The following DNAJC13 variants were observed in gnomAD, a reference collection of about 807,000 sequenced individuals.
DNAJC13 encodes the protein dnaJ homolog subfamily C member 13.
A neutral mutation model predicts 290.5 loss-of-function variants in DNAJC13; 75 were observed. The observed-to-expected ratio is 0.26, with a 90% CI of 0.21 to 0.31. The LOEUF (loss-of-function observed/expected upper bound fraction) is 0.31, where lower values mean the gene tolerates loss of function less well. DNAJC13 is among the 10% of genes least tolerant of loss of function. The pLI is 1.00. For synonymous variants in DNAJC13, 862 were observed against 892.0 expected (o/e 0.97, Z 0.60); for missense variants, 2,260 against 2,674.5 (o/e 0.85, Z 3.42).
At chr3:132,440,944 C>T (rs1933044248) in intron 2 of DNAJC13, among the ~76,000 whole-genome samples, 1 of 152,154 alleles carries the variant, frequency 6.6e-6, no homozygotes, top group Non-Finnish European at 1.5e-5. Context: ...CCTCCTTTAC[C>T]AATGCTGACC....
chr3:132,469,590 G>A (rs555762984), intron 20 of DNAJC13, among the ~76,000 whole-genome samples: 2 of 152,146 alleles, frequency 1.3e-5, no homozygotes, highest in Non-Finnish European at 2.9e-5. Context: ...TGGCGGGGAG[G>A]AGGGATTGAA....
intron 2 of DNAJC13, among the ~76,000 whole-genome samples, chr3:132,443,295 G>A (rs1933131459): frequency 6.6e-6 from 1 of 152,100 alleles, no homozygotes; most frequent in African/African-American, 2.4e-5. Flanking sequence ...CGGGATTACA[G>A]GCACCCACCA....
chr3:132,515,652 G>A (rs988099484), intron 46 of DNAJC13, among the ~76,000 whole-genome samples: 4 of 152,094 alleles, frequency 2.6e-5, no homozygotes, highest in Non-Finnish European at 5.9e-5. Flanking sequence ...TTTTAAAAGT[G>A]TAACTTTATA....
At chr3:132,461,344 G>A in intron 15 of DNAJC13, 139 bp downstream of exon 15, 11 of 856,472 alleles carry the variant, frequency 1.3e-5, no homozygotes, top group Non-Finnish European at 2.0e-5. Flanking sequence ...CACACTGAAA[G>A]AAGAGTTGTC....
chr3:132,431,647 A>C (rs79192642), intron 1 of DNAJC13, among the ~76,000 whole-genome samples: 15,824 of 152,232 alleles, frequency 0.1, 1,021 homozygotes, highest in South Asian at 0.17. Context: ...GTATATACCT[A>C]AGAGAAATGA....
chr3:132,469,881 T>G (rs1934127967), intron 20 of DNAJC13, among the ~76,000 whole-genome samples: 1 of 151,270 alleles, frequency 6.6e-6, no homozygotes, highest in Non-Finnish European at 1.5e-5. Context: ...TATACCACTT[T>G]CTACTTTTTG....
intron 1 of DNAJC13, among the ~76,000 whole-genome samples, chr3:132,425,432 G>A (rs1309576760): frequency 2.0e-5 from 3 of 152,118 alleles, no homozygotes; most frequent in Non-Finnish European, 4.4e-5. Flanking sequence ...CTTTACATTA[G>A]ATACCCACAT....
At chr3:132,442,556 T>C (rs1452968218) in intron 2 of DNAJC13, among the ~76,000 whole-genome samples, 1 of 152,202 alleles carries the variant, frequency 6.6e-6, no homozygotes, top group Non-Finnish European at 1.5e-5. Flanking sequence ...AACATTTTTT[T>C]TTCTTTTTCT....
chr3:132,524,163 C>T (rs1318517511), intron 51 of DNAJC13: 1 of 153,098 alleles, frequency 6.5e-6, no homozygotes, highest in Non-Finnish European at 1.5e-5. Context: ...AATCCTGTAT[C>T]TGTGGCTGAG....
chr3:132,455,174 G>GA (rs747134792), intron 9 of DNAJC13, among the ~76,000 whole-genome samples: 2 of 151,066 alleles, frequency 1.3e-5, no homozygotes, highest in South Asian at 2.2e-4. Context: ...ACTCAATACT[G>GA]AAAAAAACCA....
intron 35 of DNAJC13, 137 bp downstream of exon 35, chr3:132,495,303 C>G (rs371505338): frequency 6.6e-6 from 4 of 607,770 alleles, no homozygotes; most frequent in East Asian, 6.0e-5. Context: ...AAACTTCTGG[C>G]CACATGCCCA....
chr3:132,458,202 G>A (rs1408880497), intron 13 of DNAJC13: 1 of 152,142 alleles, frequency 6.6e-6, no homozygotes, highest in Non-Finnish European at 1.5e-5. Flanking sequence ...TGTACAGAGG[G>A]AGAAACAATT....
rs1013533484 is a variant in DNAJC13, at chr3:132,499,743, G to A, written c.4351G>A (p.Glu1451Lys). 1 of 1,614,026 alleles carries A rather than the reference G, an allele frequency of 6.2e-7. No homozygotes were observed. The highest frequency in any genetic ancestry group is 1.3e-5 in the African/African-American group (1 of 74,920). ...RRENGLEVLQEAFSRCVAVLT... is the reference protein window; with the variant it reads ...RRENGLEVLQKAFSRCVAVLT... ...ACTTCTTCCTCTGCAGGTGTTACAA[G>A]AGGCATTTAGTCGCTGTGTGGCTGT... The change falls in exon 38 of 56, where the codon GAG becomes AAG. Residue 1451 changes from glutamate (E) to lysine (K), a missense_variant. Physicochemically the swap from Glu to Lys is moderately conservative, Grantham distance 56 (BLOSUM62 1). This residue lies in a region of DNAJC13 where 1,494 missense variants were observed against 1,693.7 expected (regional missense o/e 0.88). Transcript: ENST00000260818.
chr3:132,463,996 G>A (rs947817239), intron 17 of DNAJC13, among the ~76,000 whole-genome samples, 179 bp downstream of exon 17: 1 of 152,128 alleles, frequency 6.6e-6, no homozygotes, highest in Non-Finnish European at 1.5e-5. Context: ...CCCTGCCTAT[G>A]GAAAACCTGG....
At chr3:132,488,219 T>G in intron 29 of DNAJC13, 79 bp from the exon 30 acceptor site, 1 of 1,328,566 alleles carries the variant, frequency 7.5e-7, no homozygotes, top group Middle Eastern at 1.9e-4. Flanking sequence ...AGCTATAACC[T>G]CAGCATATGA....
chr3:132,484,772 C>A, intron 29 of DNAJC13, 100 bp downstream of exon 29: 1 of 1,172,972 alleles, frequency 8.5e-7, no homozygotes, highest in Non-Finnish European at 1.3e-6. Context: ...ATTCCATTTT[C>A]AAAAAGCCTA....
At chr3:132,450,559 TC>T (rs948841320) in intron 5 of DNAJC13, 87 bp from the exon 6 acceptor site, 7 of 871,160 alleles carry the variant, frequency 8.0e-6, no homozygotes, top group Admixed American at 2.7e-5. Context: ...AGATTTTTGG[TC>T]GTTTCAATAG....
At chr3:132,472,385 G>GTT (rs1426216944) in intron 20 of DNAJC13, among the ~76,000 whole-genome samples, 2 of 152,208 alleles carry the variant, frequency 1.3e-5, no homozygotes, top group African/African-American at 4.8e-5. Context: ...TTCTCAAAGG[G>GTT]TTTATGACTG....
chr3:132,473,185 A>G lies in DNAJC13; in HGVS notation c.2249A>G (p.Gln750Arg), dbSNP rs759789410. The change falls in exon 21 of 56, where the codon CAA (glutamine) becomes CGA (arginine). Residue 750 changes from glutamine (Q) to arginine (R), a missense_variant. Transcript: ENST00000260818. The stretch of plus-strand genomic sequence containing the variant: ...CCAGTGGTTCTTCGAAAGAGAAGAC[A>G]AAGAATAAAAATAGAAGCAAATTGG... ...QKPVVLRKRR[Q>R]RIKIEANWDL... is the part of the protein sequence containing the mutation. 3 of 1,611,202 alleles carry G rather than the reference A, an allele frequency of 1.9e-6. No individual in the cohort carries two copies. Among genetic ancestry groups the G allele is most frequent in the Non-Finnish European group, 2.5e-6 (3 of 1,179,050 alleles).
Sources: gnomAD v4.1 joint callset for allele counts (sites outside exome capture counted in the v4.1 genomes callset) on GRCh38, gnomAD v4.1.1 for gene constraint, gnomAD v4.1.1 regional missense constraint, MANE v1.5 for transcripts, NCBI Gene and HGNC (gene_info 2026-07-23, HGNC 2026-07-21) for gene names.